Variants in COL8A2 observed in about 807,000 individuals in gnomAD.
COL8A2 encodes the protein collagen alpha-2(VIII) chain.
In COL8A2, 16 loss-of-function variants were observed where a neutral mutation model predicts 24.0. That is an observed-to-expected ratio of 0.67 (90% CI 0.45 to 1.01). COL8A2 has a LOEUF of 1.01. Ranked by LOEUF, COL8A2 falls within the 50% of genes least tolerant of loss-of-function variation. The pLI, the probability that COL8A2 is intolerant of heterozygous loss-of-function variation, is 0.00. For missense variants in COL8A2, 818 were observed against 942.4 expected (o/e 0.87, Z 1.73); for synonymous variants, 466 against 424.5 (o/e 1.10, Z -1.20).
chr1:36,119,743 G>A (rs1398784316), intron 1 of COL8A2, among the ~76,000 whole-genome samples: 1 of 152,196 alleles, frequency 6.6e-6, no homozygotes, highest in Non-Finnish European at 1.5e-5. Context: ...GGGTGGTGGG[G>A]GCTGTGGACA....
rs1643618678 is a variant in COL8A2, at chr1:36,098,677, A to G, written c.1004T>C (p.Leu335Pro). The change falls in exon 4 of 4, where the codon CTC (leucine) becomes CCC (proline). Residue 335 changes from leucine (L) to proline (P), a missense_variant. Leu to Pro is a moderately conservative substitution (Grantham distance 98, BLOSUM62 -3). Around this residue, in one of 3 missense-constraint regions of COL8A2, gnomAD observed 573 missense variants for 616.8 expected, o/e 0.93. Transcript: ENST00000397799. ...CCCTGGCTCACCCCTGTCCCCCAAG[A>G]GTCCTGGGACCCCAGCTGGGCCCCT... ...GDRGPAGVPGLLGDRGEPGED... is the reference protein window; with the variant it reads ...GDRGPAGVPGPLGDRGEPGED... The G allele has an allele frequency of 3.1e-6, 5 of 1,609,502 alleles. No individual in the cohort carries two copies. The highest frequency in any genetic ancestry group is 2.2e-5 in the South Asian group (2 of 90,984).
chr1:36,121,492 G>A (rs937668662), intron 1 of COL8A2, among the ~76,000 whole-genome samples: 10 of 150,928 alleles, frequency 6.6e-5, no homozygotes, highest in East Asian at 3.9e-4. Flanking sequence ...AGGCCAAGGC[G>A]GGCGGATCAC....
At position 36,104,309 on chromosome 1, in the gene COL8A2, T is replaced by C. The variant is rs1026127036; in HGVS notation, c.-16-4051A>G. Among the ~76,000 whole-genome samples, 4 of 149,580 alleles carry C rather than the reference T, an allele frequency of 2.7e-5. No individual in the cohort carries two copies. In the East Asian group the frequency reaches 6.0e-4, roughly 22 times the overall value. ...GAGATCGAGACCATCCTGGCCAACA[T>C]GGTGAACCCTGATCTCTACTAAAAA... On this transcript the variant is annotated intron_variant, in intron 2 of 3. Coordinates refer to ENST00000397799, the MANE Select transcript of COL8A2 (RefSeq NM_005202.4).
chr1:36,106,297 A>C (rs1407970339), intron 2 of COL8A2, among the ~76,000 whole-genome samples: 2 of 151,238 alleles, frequency 1.3e-5, no homozygotes, highest in African/African-American at 4.9e-5. Flanking sequence ...CGAGATGAGG[A>C]AACTGCCTGA....
intron 2 of COL8A2, among the ~76,000 whole-genome samples, chr1:36,102,078 C>T (rs1350623249): frequency 2.0e-5 from 3 of 151,982 alleles, no homozygotes; most frequent in Non-Finnish European, 4.4e-5. Context: ...ACTCAGGAGG[C>T]TGAAGAGGGA....
chr1:36,123,852 G>A lies in COL8A2; in HGVS notation c.-62+1205C>T, dbSNP rs1643932295. Among the ~76,000 whole-genome samples, 1 of 152,128 alleles carries A rather than the reference G, an allele frequency of 6.6e-6. No homozygotes were observed. Among genetic ancestry groups the A allele is most frequent in the Non-Finnish European group, 1.5e-5 (1 of 68,032 alleles). On this transcript the variant is annotated intron_variant, in intron 1 of 3. Transcript: ENST00000397799. This position sits in a 1 kb window ranked among gnomAD's most constrained non-coding sequence, Gnocchi z 4.1. ...GTTTGTAGGTGTTCACCAGTCCACTGGGAAGCCAGTGACAGCACCTGTGCC... is the reference window on the plus strand; with the variant it reads ...GTTTGTAGGTGTTCACCAGTCCACTAGGAAGCCAGTGACAGCACCTGTGCC...
intron 2 of COL8A2, among the ~76,000 whole-genome samples, chr1:36,109,033 C>T (rs1034214124): frequency 1.2e-4 from 19 of 152,288 alleles, no homozygotes; most frequent in African/African-American, 2.2e-4. Context: ...CCCAACGGAC[C>T]GGCAGACCCC....
intron 2 of COL8A2, among the ~76,000 whole-genome samples, chr1:36,110,462 T>A (rs968916113): frequency 6.6e-6 from 1 of 152,066 alleles, no homozygotes; most frequent in Non-Finnish European, 1.5e-5. Context: ...CAGGATCTTG[T>A]AAAGTGAACT....
At position 36,098,408 on chromosome 1, in the gene COL8A2, GC is replaced by G; in HGVS notation, c.1272del (p.Lys426ArgfsTer33). 6.3e-7 allele frequency: 1 copy of G among 1,579,180 alleles called. No individual in the cohort carries two copies. The highest frequency in any genetic ancestry group is 1.2e-5 in the South Asian group (1 of 86,492). Reference protein sequence around the residue: ...PGAHGPPGPTGPKGEPGFTGR... With the variant: ...PGAHGPPGPTXPKGEPGFTGR... ...CCCGTGAAACCCGGCTCACCCTTGG[GC>G]CCAGTTGGTCCAGGGGGTCCATGGG... is the stretch of plus-strand genomic sequence containing the variant. On this transcript the variant is annotated frameshift_variant, in exon 4 of 4. Coordinates refer to ENST00000397799, the MANE Select transcript of COL8A2 (RefSeq NM_005202.4). LOFTEE classifies it high-confidence loss of function.
At chr1:36,099,533 G>T (rs1178612198) in intron 3 of COL8A2, 46 bp from the exon 4 acceptor site, 2 of 1,397,508 alleles carry the variant, frequency 1.4e-6, no homozygotes, top group South Asian at 1.2e-5. Context: ...GAACTGTGGG[G>T]ACAGGGGACC....
At chr1:36,120,819 T>C (rs1208812819) in intron 1 of COL8A2, among the ~76,000 whole-genome samples, 2 of 148,642 alleles carry the variant, frequency 1.3e-5, no homozygotes, top group South Asian at 2.1e-4. Context: ...CCAGGCATGG[T>C]GGCTAACACC....
intron 2 of COL8A2, among the ~76,000 whole-genome samples, chr1:36,108,952 C>A (rs920985628): frequency 2.6e-5 from 4 of 152,100 alleles, no homozygotes; most frequent in Non-Finnish European, 1.5e-5. Flanking sequence ...CACAGGTGAG[C>A]GATCAGAGGT....
chr1:36,102,965 A>C (rs1422726385), intron 2 of COL8A2, among the ~76,000 whole-genome samples: 1 of 151,900 alleles, frequency 6.6e-6, no homozygotes, highest in Non-Finnish European at 1.5e-5. Context: ...GAGCCACTGC[A>C]CCCAGCCTAA....
Position 36,119,037 on chromosome 1 carries a change from G to A in COL8A2, c.-61-3285C>T, listed in dbSNP as rs186082385. On this transcript the variant is annotated intron_variant, in intron 1 of 3. Transcript: ENST00000397799. ...GGAACTCCAGGCATTATTTACTCCCGTAACCCTGGAAGGCTGGAACTGCTG... is the reference window on the plus strand; with the variant it reads ...GGAACTCCAGGCATTATTTACTCCCATAACCCTGGAAGGCTGGAACTGCTG... Among the ~76,000 whole-genome samples, 111 of 152,210 alleles carry A rather than the reference G, an allele frequency of 7.3e-4. 1 individual carries two copies. The highest frequency in any genetic ancestry group is 2.5e-3 in the Admixed American group (38 of 15,282).
intron 2 of COL8A2, among the ~76,000 whole-genome samples, chr1:36,109,301 G>GC (rs1181130667): frequency 6.6e-6 from 1 of 152,172 alleles, no homozygotes; most frequent in Non-Finnish European, 1.5e-5. Context: ...CGCTCTTGCT[G>GC]GGTCTCTACT....
chr1:36,105,330 C>A (rs1236483834), intron 2 of COL8A2, among the ~76,000 whole-genome samples: 1 of 152,210 alleles, frequency 6.6e-6, no homozygotes, highest in Non-Finnish European at 1.5e-5. Flanking sequence ...AAGGAGTGAT[C>A]CAGGCCTCAA....
chr1:36,116,317 G>A (rs1643879330), intron 1 of COL8A2, among the ~76,000 whole-genome samples: 1 of 152,190 alleles, frequency 6.6e-6, no homozygotes. Context: ...CTGGATTCAA[G>A]GAGTTCCTAC....
rs112647830 is a variant in COL8A2 at position 36,103,119 on chromosome 1, A to G, written c.-16-2861T>C. Among the ~76,000 whole-genome samples the G allele has an allele frequency of 1.1e-3, 162 of 152,108 alleles. 1 individual carries two copies. The highest frequency in any genetic ancestry group is 3.8e-3 in the African/African-American group (158 of 41,482). On this transcript the variant is annotated intron_variant, in intron 2 of 3. Coordinates refer to ENST00000397799, the MANE Select transcript of COL8A2 (RefSeq NM_005202.4). ...CACCTCATCCTCCCAAGTAGCTGGG[A>G]CAACAGGCACATGCCACCATGCCTA...
rs759864363 is a variant in COL8A2 at position 36,097,645 on chromosome 1, G to A, written c.2036C>T (p.Ser679Leu). 6.2e-6 allele frequency: 10 copies of A among 1,613,444 alleles called. No homozygotes were observed. The East Asian group carries it at 1.3e-4, about 22-fold the overall frequency. Reference sequence around the variant, plus strand: ...GGAGTAGAGGCCGTTGGCCTGGTCCGACGGCATCTGCACCCAGACCTGGTC... The same window carrying A: ...GGAGTAGAGGCCGTTGGCCTGGTCCAACGGCATCTGCACCCAGACCTGGTC... ...PNDQVWVQMP[S>L]DQANGLYSTE... is the part of the protein sequence containing the mutation. Residue 679 changes from serine to leucine, a missense_variant, in exon 4 of 4, where the codon TCG (serine) becomes TTG (leucine). Physicochemically the swap from Ser to Leu is moderately radical, Grantham distance 145. Around this residue, in one of 3 missense-constraint regions of COL8A2, gnomAD observed 235 missense variants for 297.3 expected, o/e 0.79. Coordinates refer to ENST00000397799, the MANE Select transcript of COL8A2 (RefSeq NM_005202.4).
Sources: gnomAD v4.1 joint callset for allele counts (sites outside exome capture counted in the v4.1 genomes callset) on GRCh38, gnomAD v4.1.1 for gene constraint, gnomAD v4.1.1 regional missense constraint, Gnocchi (gnomAD v3.1) non-coding constraint, MANE v1.5 for transcripts, NCBI Gene and HGNC (gene_info 2026-07-23, HGNC 2026-07-21) for gene names.